The following LARS1 variants were observed in gnomAD, a reference collection of about 807,000 sequenced individuals.
The protein encoded by LARS1 is leucyl-tRNA synthetase 1.
In LARS1, 100 loss-of-function variants were observed where a neutral mutation model predicts 162.8. That is an observed-to-expected ratio of 0.61 (90% CI 0.52 to 0.73). The LOEUF is 0.73. LARS1 is among the 30% of genes least tolerant of loss of function. LARS1 has a pLI of 0.00. For synonymous variants in LARS1, 457 were observed against 462.8 expected (o/e 0.99, Z 0.16); for missense variants, 1,258 against 1,408.9 (o/e 0.89, Z 1.71).
At chr5:146,138,736 AAAAAAAAG>A (rs1752624292) in intron 21 of LARS1, 1 of 163,274 alleles carries the variant, frequency 6.1e-6, no homozygotes, top group South Asian at 1.5e-4. Context: ...CTCAAAAAAA[AAAAAAAAG>A]AAAGAAAAAG....
At chr5:146,151,082 G>T (rs1179514304) in intron 14 of LARS1, among the ~76,000 whole-genome samples, 1 of 151,938 alleles carries the variant, frequency 6.6e-6, no homozygotes, top group Non-Finnish European at 1.5e-5. Flanking sequence ...ATCTCTTTGT[G>T]CCTCCATTTC....
intron 3 of LARS1, among the ~76,000 whole-genome samples, 175 bp from the exon 4 acceptor site, chr5:146,172,165 A>G (rs535063315): frequency 7.2e-5 from 11 of 152,272 alleles, no homozygotes; most frequent in Non-Finnish European, 1.2e-4. Flanking sequence ...ATATGCATAC[A>G]TGCCCAGACC....
At chr5:146,171,872 C>A in intron 4 of LARS1, 38 bp downstream of exon 4, 1 of 1,503,264 alleles carries the variant, frequency 6.7e-7, no homozygotes, top group South Asian at 1.2e-5. Flanking sequence ...TTTGCTCCAA[C>A]TAAAAAGAGT....
chr5:146,120,947 TA>T (rs1426326363), intron 30 of LARS1, among the ~76,000 whole-genome samples: 1 of 152,170 alleles, frequency 6.6e-6, no homozygotes, highest in Non-Finnish European at 1.5e-5. Context: ...AGATTCAACA[TA>T]AACCTATGTT....
chr5:146,153,329 TCTATTTG>T, intron 12 of LARS1, 102 bp from the exon 13 acceptor site: 1 of 837,862 alleles, frequency 1.2e-6, no homozygotes, highest in African/African-American at 1.7e-5. Context: ...CTTTAAAGTT[TCTATTTG>T]TTCTCCTCTC....
chr5:146,119,804 T>C (rs930365749), intron 31 of LARS1, among the ~76,000 whole-genome samples: 2 of 152,208 alleles, frequency 1.3e-5, no homozygotes, highest in African/African-American at 2.4e-5. Flanking sequence ...CAGACCTGTT[T>C]GAATTCCAGA....
intron 13 of LARS1, 78 bp downstream of exon 13, chr5:146,153,096 A>G (rs1753363531): frequency 3.4e-6 from 4 of 1,166,432 alleles, no homozygotes; most frequent in Non-Finnish European, 5.0e-6. Context: ...TAATTTTGTT[A>G]TAAGGAAAAC....
At position 146,129,133 on chromosome 5, in the gene LARS1, A is replaced by T; in HGVS notation, c.2629-15T>A. On this transcript the variant is annotated splice_polypyrimidine_tract_variant and intron_variant, in intron 25 of 31. Coordinates refer to ENST00000394434, the MANE Select transcript of LARS1 (RefSeq NM_020117.11). ...ATTGAGTCAGGCTTTTAAAAAAAGA[A>T]AAACAAAAAAACCTTCAGTGAGATT... 1.9e-6 allele frequency: 3 copies of T among 1,566,032 alleles called. No individual in the cohort carries two copies. Among genetic ancestry groups the T allele is most frequent in the Non-Finnish European group, 1.7e-6 (2 of 1,159,410 alleles).
chr5:146,148,718 T>C (rs1753128219), intron 15 of LARS1, among the ~76,000 whole-genome samples: 1 of 149,734 alleles, frequency 6.7e-6, no homozygotes, highest in East Asian at 2.0e-4. Context: ...AGGAGGTTAG[T>C]GGCTGATACC....
At chr5:146,135,752 A>C in intron 21 of LARS1, 88 bp from the exon 22 acceptor site, 3 of 880,396 alleles carry the variant, frequency 3.4e-6, no homozygotes, top group Non-Finnish European at 5.2e-6. Context: ...GTTGGCCATG[A>C]CCAGATAAAA....
chr5:146,167,600 T>G (rs1470040639), intron 5 of LARS1, among the ~76,000 whole-genome samples: 1 of 151,976 alleles, frequency 6.6e-6, no homozygotes, highest in Non-Finnish European at 1.5e-5. Context: ...TTCACCATGT[T>G]TGCCAGGATG....
intron 2 of LARS1, among the ~76,000 whole-genome samples, chr5:146,174,144 T>A (rs1449014073): frequency 1.1e-5 from 1 of 89,136 alleles, no homozygotes; most frequent in African/African-American, 4.6e-5. Flanking sequence ...CTTTTTCTCT[T>A]AAAAAAAAAA....
chr5:146,182,096 A>C (rs932828884), intron 1 of LARS1: 1 of 193,660 alleles, frequency 5.2e-6, no homozygotes, highest in South Asian at 8.3e-5. Flanking sequence ...GCGCACCACT[A>C]CGCCCGGCTA....
rs561759170 is a variant in LARS1 at position 146,158,060 on chromosome 5, G to A, written c.772-265C>T. ...CAATCAACCCTAATTCCATCCCAGGGCATGTCCCACATAGTAGTCATCAAA... is the reference window on the plus strand; with the variant it reads ...CAATCAACCCTAATTCCATCCCAGGACATGTCCCACATAGTAGTCATCAAA... On this transcript the variant is annotated intron_variant, in intron 8 of 31. Coordinates refer to ENST00000394434, the MANE Select transcript of LARS1 (RefSeq NM_020117.11). 5.9e-5 allele frequency among the ~76,000 whole-genome samples: 9 copies of A among 152,238 alleles called. No individual in the cohort carries two copies. The East Asian group carries it at 1.7e-3, about 29-fold the overall frequency.
At chr5:146,167,470 C>A (rs1366123014) in intron 5 of LARS1, among the ~76,000 whole-genome samples, 1 of 151,274 alleles carries the variant, frequency 6.6e-6, no homozygotes, top group Non-Finnish European at 1.5e-5. Flanking sequence ...GTGGCGTGAT[C>A]TGGGCTCACT....
rs193260683 is a variant in LARS1, at chr5:146,156,831, G to A, written c.1065+572C>T. Among the ~76,000 whole-genome samples the A allele has an allele frequency of 2.5e-4, 37 of 148,764 alleles. 1 individual carries two copies. The East Asian group carries it at 7.0e-3, about 28-fold the overall frequency. ...CAAATTTAGTATTACCAGGAATTCA[G>A]GTAATAGTATTTTTAAAATAATATA... is the stretch of plus-strand genomic sequence containing the variant. On this transcript the variant is annotated intron_variant, in intron 10 of 31. Coordinates refer to ENST00000394434, the MANE Select transcript of LARS1 (RefSeq NM_020117.11).
chr5:146,167,080 C>T (rs1261121851), intron 5 of LARS1, among the ~76,000 whole-genome samples: 1 of 152,204 alleles, frequency 6.6e-6, no homozygotes, highest in Non-Finnish European at 1.5e-5. Flanking sequence ...TTATCTGACC[C>T]GTATTCGTTA....
At chr5:146,177,283 A>G (rs1462596340) in intron 2 of LARS1, among the ~76,000 whole-genome samples, 1 of 151,630 alleles carries the variant, frequency 6.6e-6, no homozygotes, top group Non-Finnish European at 1.5e-5. Context: ...TGGCTAACAC[A>G]GTGAAACATC....
intron 27 of LARS1, among the ~76,000 whole-genome samples, chr5:146,126,764 T>C (rs1208585755): frequency 1.3e-5 from 2 of 152,108 alleles, no homozygotes; most frequent in African/African-American, 4.8e-5. Context: ...CTTTTTAGTT[T>C]AGAAGAGAAA....
Sources: allele counts gnomAD v4.1 joint callset (sites outside exome capture counted in the v4.1 genomes callset), GRCh38; gene constraint gnomAD v4.1.1; transcripts MANE v1.5; gene names NCBI Gene and HGNC (gene_info 2026-07-23, HGNC 2026-07-21).